MARCHF1: variants seen among roughly 807,000 people sequenced by gnomAD.
MARCHF1 encodes membrane associated ring-CH-type finger 1, also known as E3 ubiquitin-protein ligase MARCHF1.
Under a neutral mutation model 54.2 loss-of-function variants are expected in MARCHF1, and 40 were observed. The observed-to-expected ratio is 0.74, with a 90% CI of 0.57 to 0.96. The LOEUF (loss-of-function observed/expected upper bound fraction) is 0.96. Among genes scored for constraint, MARCHF1 ranks in the 40% least tolerant of loss-of-function variants. The probability of loss-of-function intolerance (pLI) is 0.00; values close to 1 mark genes in which losing one functional copy is unlikely to be tolerated. For missense variants in MARCHF1, 586 were observed against 656.5 expected (o/e 0.89, Z 1.17); for synonymous variants, 236 against 236.3 (o/e 1.00, Z 0.01).
chr4:164,326,957 T>TTG (rs370504086), intron 1 of MARCHF1, among the ~76,000 whole-genome samples: 18,972 of 133,494 alleles, frequency 0.14, 1,438 homozygotes, highest in Middle Eastern at 0.21. Flanking sequence ...GTTGTAAGGA[T>TTG]TGTGTGTGTG....
At chr4:163,872,171 T>C (rs2111219419) in intron 3 of MARCHF1, among the ~76,000 whole-genome samples, 2 of 152,366 alleles carry the variant, frequency 1.3e-5, no homozygotes, top group East Asian at 1.9e-4. Flanking sequence ...GTAGCCTGCA[T>C]TGCATTGGCC....
At chr4:163,735,071 C>T (rs1253766674) in intron 4 of MARCHF1, among the ~76,000 whole-genome samples, 4 of 152,238 alleles carry the variant, frequency 2.6e-5, no homozygotes, top group African/African-American at 9.6e-5. Flanking sequence ...TTGTTATTCT[C>T]TCAACTGCAT....
chr4:163,564,033 T>C (rs1739558685), intron 8 of MARCHF1, among the ~76,000 whole-genome samples: 1 of 152,202 alleles, frequency 6.6e-6, no homozygotes, highest in South Asian at 2.1e-4. Flanking sequence ...CAAATGATCT[T>C]CCCACCTAAC....
At chr4:164,332,085 T>C (rs1735447161) in intron 1 of MARCHF1, among the ~76,000 whole-genome samples, 2 of 152,170 alleles carry the variant, frequency 1.3e-5, no homozygotes, top group Non-Finnish European at 2.9e-5. Context: ...TTATTCTGTC[T>C]GTTCCTATTA....
chr4:164,146,776 G>C (rs1729757722), intron 1 of MARCHF1, among the ~76,000 whole-genome samples: 1 of 152,152 alleles, frequency 6.6e-6, no homozygotes, highest in Non-Finnish European at 1.5e-5. Flanking sequence ...AGAACTTCAT[G>C]TCTAAAACAC....
At chr4:164,099,882 C>G (rs372884343) in intron 2 of MARCHF1, among the ~76,000 whole-genome samples, 3 of 151,902 alleles carry the variant, frequency 2.0e-5, no homozygotes, top group African/African-American at 7.3e-5. Context: ...TGAAAAGTAG[C>G]AAGTGATAAT....
At chr4:164,239,910 A>C (rs1023558990) in intron 1 of MARCHF1, among the ~76,000 whole-genome samples, 1 of 152,248 alleles carries the variant, frequency 6.6e-6, no homozygotes, top group Non-Finnish European at 1.5e-5. Flanking sequence ...ATTATTTTAT[A>C]GAAAATATGT....
chr4:164,107,028 C>T (rs1244222225), intron 2 of MARCHF1, among the ~76,000 whole-genome samples: 3 of 152,142 alleles, frequency 2.0e-5, no homozygotes, highest in Non-Finnish European at 4.4e-5. Context: ...GCATCAGCAT[C>T]TTCATAAAAC....
chr4:163,580,062 A>AT (rs1553993936), intron 8 of MARCHF1, among the ~76,000 whole-genome samples: 22 of 144,276 alleles, frequency 1.5e-4, no homozygotes, highest in Admixed American at 8.3e-4. Flanking sequence ...AGCCTTATTT[A>AT]TTATTTATTT....
chr4:163,733,080 A>T (rs952853766), intron 4 of MARCHF1, among the ~76,000 whole-genome samples: 25 of 148,384 alleles, frequency 1.7e-4, no homozygotes, highest in Non-Finnish European at 2.1e-4. Context: ...TGAACCTGGG[A>T]GGCAGAGGTT....
At chr4:164,138,586 T>G (rs1380338128) in intron 1 of MARCHF1, among the ~76,000 whole-genome samples, 1 of 152,178 alleles carries the variant, frequency 6.6e-6, no homozygotes, top group Admixed American at 6.5e-5. Context: ...GGAACGGGTA[T>G]GGCCACAACT....
Position 163,907,331 on chromosome 4 carries a change from T to C in MARCHF1, c.-38-53162A>G, listed in dbSNP as rs143226500. ...GGTTTTACATGTTTGTGTAATTTTG[T>C]CTTGTTTGTTTTAAGAAAATGTAAG... On this transcript the variant is annotated intron_variant, in intron 3 of 9. Transcript: ENST00000514618. Among the ~76,000 whole-genome samples, 1,450 of 152,132 alleles carry C rather than the reference T, an allele frequency of 9.5e-3. 22 individuals carry two copies. Among genetic ancestry groups the C allele is most frequent in the African/African-American group, 0.03 (1,240 of 41,582 alleles).
chr4:164,160,653 G>A (rs1160180353), intron 1 of MARCHF1, among the ~76,000 whole-genome samples: 2 of 152,096 alleles, frequency 1.3e-5, no homozygotes, highest in Non-Finnish European at 2.9e-5. Context: ...TAAAATAAGA[G>A]GTACAGCATG....
chr4:164,265,926 C>T (rs893730830), intron 1 of MARCHF1, among the ~76,000 whole-genome samples: 2 of 152,134 alleles, frequency 1.3e-5, no homozygotes, highest in Admixed American at 6.6e-5. Context: ...CACATAGTAT[C>T]GAATCAAATT....
chr4:164,275,077 A>G (rs1356332579), intron 1 of MARCHF1, among the ~76,000 whole-genome samples: 4 of 151,490 alleles, frequency 2.6e-5, no homozygotes, highest in Non-Finnish European at 5.9e-5. Context: ...AATTCCTTTA[A>G]TAAAAATATA....
chr4:164,278,314 A>G (rs1267015865), intron 1 of MARCHF1, among the ~76,000 whole-genome samples: 1 of 152,216 alleles, frequency 6.6e-6, no homozygotes, highest in South Asian at 2.1e-4. Flanking sequence ...TGTCTCAAAA[A>G]CAAAAGAAAA....
intron 1 of MARCHF1, among the ~76,000 whole-genome samples, chr4:164,335,017 T>C (rs766620757): frequency 3.3e-5 from 5 of 152,194 alleles, no homozygotes; most frequent in Admixed American, 6.5e-5. Flanking sequence ...TTTAAACAAA[T>C]GAAAATTTAC....
intron 3 of MARCHF1, among the ~76,000 whole-genome samples, chr4:163,901,770 C>T (rs1304969212): frequency 6.6e-6 from 1 of 152,136 alleles, no homozygotes; most frequent in Non-Finnish European, 1.5e-5. Flanking sequence ...ACAACCAAGG[C>T]ATCTATAATC....
chr4:164,003,907 C>T (rs9994913), intron 2 of MARCHF1, among the ~76,000 whole-genome samples: 146,145 of 152,172 alleles, frequency 0.96, 70,448 homozygotes, highest in East Asian at 1. Context: ...CAATGATAGA[C>T]TGGATGAAGA....
Sources: gnomAD v4.1 joint callset for allele counts (sites outside exome capture counted in the v4.1 genomes callset) on GRCh38, gnomAD v4.1.1 for gene constraint, MANE v1.5 for transcripts, NCBI Gene and HGNC (gene_info 2026-07-23, HGNC 2026-07-21) for gene names.